The following MARCHF1 variants were observed in gnomAD, a reference collection of about 807,000 sequenced individuals.
The protein encoded by MARCHF1 is E3 ubiquitin-protein ligase MARCHF1.
MARCHF1 carries 40 observed loss-of-function variants against 54.2 expected under a neutral mutation model. The ratio of observed to expected loss-of-function variants is 0.74; its 90% CI spans 0.57 to 0.96. The LOEUF (loss-of-function observed/expected upper bound fraction) is 0.96. Among genes scored for constraint, MARCHF1 ranks in the 40% least tolerant of loss-of-function variants. MARCHF1 has a pLI of 0.00. For synonymous variants in MARCHF1, 236 were observed against 236.3 expected (o/e 1.00, Z 0.01); for missense variants, 586 against 656.5 (o/e 0.89, Z 1.17).
intron 3 of MARCHF1, among the ~76,000 whole-genome samples, chr4:163,888,092 A>G (rs1750578461): frequency 6.6e-6 from 1 of 152,166 alleles, no homozygotes; most frequent in Admixed American, 6.6e-5. Flanking sequence ...TAAAACTATT[A>G]ACCTATGTTG....
chr4:163,980,218 C>A (rs1408764356), intron 3 of MARCHF1, among the ~76,000 whole-genome samples: 1 of 138,688 alleles, frequency 7.2e-6, no homozygotes, highest in Non-Finnish European at 1.5e-5. Context: ...CGCCGCATAC[C>A]TACAACTGTC....
chr4:164,253,690 AAATGAAAACTTAC>A (rs1327248984), intron 1 of MARCHF1, among the ~76,000 whole-genome samples: 1 of 152,140 alleles, frequency 6.6e-6, no homozygotes, highest in Non-Finnish European at 1.5e-5. Context: ...GATTCTAGAG[AAATGAAAACTTAC>A]ATTCACATGA....
intron 2 of MARCHF1, among the ~76,000 whole-genome samples, chr4:164,000,283 C>T (rs1346003237): frequency 1.3e-5 from 2 of 151,502 alleles, no homozygotes; most frequent in African/African-American, 4.8e-5. Flanking sequence ...CATAGATATG[C>T]TAAATAATAC....
At chr4:163,644,932 A>AC (rs1742696277) in intron 5 of MARCHF1, among the ~76,000 whole-genome samples, 1 of 152,036 alleles carries the variant, frequency 6.6e-6, no homozygotes, top group South Asian at 2.1e-4. Context: ...TAAGAGACAT[A>AC]CCCCAGAGAT....
chr4:163,789,946 T>A (rs1747728051), intron 4 of MARCHF1, among the ~76,000 whole-genome samples: 1 of 152,118 alleles, frequency 6.6e-6, no homozygotes, highest in South Asian at 2.1e-4. Context: ...GTCTGTCAAA[T>A]TTGACAATGA....
chr4:163,981,689 C>T (rs573047038), intron 3 of MARCHF1, among the ~76,000 whole-genome samples: 1 of 152,190 alleles, frequency 6.6e-6, no homozygotes, highest in Admixed American at 6.5e-5. Context: ...CTGGCATTGT[C>T]AGTGCTCCCT....
chr4:164,242,572 T>C (rs1404699288), intron 1 of MARCHF1, among the ~76,000 whole-genome samples: 2 of 123,910 alleles, frequency 1.6e-5, no homozygotes, highest in African/African-American at 5.9e-5. Context: ...GCAGAGCGCC[T>C]CTCCTCCTCC....
chr4:164,013,141 T>A (rs1297730422), intron 2 of MARCHF1, among the ~76,000 whole-genome samples: 1 of 152,032 alleles, frequency 6.6e-6, no homozygotes, highest in East Asian at 1.9e-4. Flanking sequence ...TCAATAAATT[T>A]CAAGATAACA....
At chr4:164,361,079 G>A (rs956633771) in intron 1 of MARCHF1, among the ~76,000 whole-genome samples, 11 of 151,566 alleles carry the variant, frequency 7.3e-5, no homozygotes, top group Non-Finnish European at 7.4e-5. Context: ...CATAACACTG[G>A]TCTTGATGAT....
rs145348434 is a variant in MARCHF1 at position 163,587,995 on chromosome 4, A to T, written c.1011-2066T>A. Among the ~76,000 whole-genome samples the T allele has an allele frequency of 3.3e-4, 51 of 152,264 alleles. No homozygotes were observed. The East Asian group carries it at 9.4e-3, about 28-fold the overall frequency. On this transcript the variant is annotated intron_variant, in intron 7 of 9. Coordinates refer to ENST00000514618, the MANE Select transcript of MARCHF1 (RefSeq NM_001394959.1). The stretch of plus-strand genomic sequence containing the variant: ...CTGCTCACTCAGATAGTGCAGAAAG[A>T]TACAGGAACTGAAACCCAACATTGC...
intron 1 of MARCHF1, among the ~76,000 whole-genome samples, chr4:164,185,518 T>C (rs1377857591): frequency 1.3e-5 from 2 of 152,102 alleles, no homozygotes. Context: ...CCAGACAACA[T>C]TAAGTACTGA....
chr4:164,056,286 A>G (rs576725530), intron 2 of MARCHF1, among the ~76,000 whole-genome samples: 2 of 152,296 alleles, frequency 1.3e-5, no homozygotes, highest in African/African-American at 4.8e-5. Flanking sequence ...TTATATCCTC[A>G]GGGGTCATTC....
intron 2 of MARCHF1, among the ~76,000 whole-genome samples, chr4:164,096,170 T>C (rs1422143148): frequency 6.6e-6 from 1 of 152,164 alleles, no homozygotes; most frequent in Admixed American, 6.5e-5. Context: ...CATCAATTGG[T>C]GCCCATCGAT....
chr4:164,349,978 A>T (rs903100443), intron 1 of MARCHF1, among the ~76,000 whole-genome samples: 3 of 152,212 alleles, frequency 2.0e-5, no homozygotes, highest in African/African-American at 7.2e-5. Context: ...ATTTTGGTCA[A>T]CCAAGCTTCA....
chr4:163,986,244 CTCT>C (rs202115649), intron 3 of MARCHF1, among the ~76,000 whole-genome samples: 29 of 42,464 alleles, frequency 6.8e-4, no homozygotes, highest in African/African-American at 1.3e-3. Context: ...CCTAATTAAC[CTCT>C]TCTTTTTTTT....
chr4:163,943,003 G>A (rs2110756772), intron 3 of MARCHF1, among the ~76,000 whole-genome samples: 1 of 149,842 alleles, frequency 6.7e-6, no homozygotes, highest in East Asian at 1.9e-4. Flanking sequence ...GTCTTCTTTT[G>A]AAAAGTGTCT....
At chr4:164,379,861 G>A (rs987274089) in intron 1 of MARCHF1, among the ~76,000 whole-genome samples, 7 of 151,814 alleles carry the variant, frequency 4.6e-5, no homozygotes, top group Admixed American at 3.9e-4. Context: ...GAGGCTGAGG[G>A]ACGAGAACCA....
intron 1 of MARCHF1, among the ~76,000 whole-genome samples, chr4:164,245,012 C>T (rs189346303): frequency 0.033 from 5,044 of 152,158 alleles, 183 homozygotes; most frequent in East Asian, 0.16. Context: ...GATACACAGC[C>T]GAATTCTACC....
chr4:164,338,022 G>A (rs992683291), intron 1 of MARCHF1, among the ~76,000 whole-genome samples: 1 of 151,962 alleles, frequency 6.6e-6, no homozygotes, highest in East Asian at 1.9e-4. Flanking sequence ...TAATATGAAG[G>A]ATAAAAACAA....
Sources: allele counts gnomAD v4.1 joint callset (sites outside exome capture counted in the v4.1 genomes callset), GRCh38; gene constraint gnomAD v4.1.1; transcripts MANE v1.5; gene names NCBI Gene and HGNC (gene_info 2026-07-23, HGNC 2026-07-21).